The following CHD4 variants were observed in gnomAD, a reference collection of about 807,000 sequenced individuals.
CHD4 encodes ATP-dependent chromatin remodeler CHD4.
A neutral mutation model predicts 235.5 loss-of-function variants in CHD4; 35 were observed. That is an observed-to-expected ratio of 0.15 (90% confidence interval 0.11 to 0.20). The LOEUF is 0.20. Among genes scored for constraint, CHD4 ranks in the 10% least tolerant of loss-of-function variants. CHD4 has a pLI of 1.00. For synonymous variants in CHD4, 900 were observed against 850.2 expected, an observed-to-expected ratio of 1.06 and a Z score of -1.02; for missense variants, 1,329 against 2,432.3, an observed-to-expected ratio of 0.55 and a Z score of 9.54.
Position 6,593,299 on chromosome 12 carries a change from A to G in CHD4, c.2515-71T>C. 1 of 1,606,320 alleles carries G rather than the reference A, an allele frequency of 6.2e-7. No homozygotes were observed. Among genetic ancestry groups the G allele is most frequent in the Admixed American group, 1.7e-5 (1 of 59,938 alleles). On this transcript the variant is annotated intron_variant, in intron 16 of 39. Transcript: ENST00000544040. The surrounding 1 kb of genome is among the most constrained non-coding windows in gnomAD (Gnocchi z 4.9). ...TAAGCACAACCAGGAGACTGATGGA[A>G]TGTTTTCCTCCTCCCAGGGTTACCC...
intron 33 of CHD4, chr12:6,579,519 G>C (rs1423502928): frequency 6.3e-6 from 1 of 159,340 alleles, no homozygotes; most frequent in Admixed American, 6.2e-5. Flanking sequence ...AGGAGGTGGA[G>C]GTTGCAGTGA....
chr12:6,593,746 C>T lies in CHD4; in HGVS notation c.2314-130G>A. On this transcript the variant is annotated intron_variant, in intron 15 of 39. Transcript: ENST00000544040. The surrounding 1 kb of genome is among the most constrained non-coding windows in gnomAD (Gnocchi z 4.9). ...ACACCTGCGCTGCTGCTCCTGCTCTCACCTTCCTCTATACAAGTGCCCAGC... is the reference window on the plus strand; with the variant it reads ...ACACCTGCGCTGCTGCTCCTGCTCTTACCTTCCTCTATACAAGTGCCCAGC... 1.3e-6 allele frequency: 1 copy of T among 768,392 alleles called. No homozygotes were observed. Among genetic ancestry groups the T allele is most frequent in the Non-Finnish European group, 2.1e-6 (1 of 475,290 alleles). The allele number at this position is 768,392 out of a possible 1,614,324, so 47.6% of individuals were successfully genotyped here.
At position 6,599,948 on chromosome 12, in the gene CHD4, T is replaced by A. The variant is rs770181976; in HGVS notation, c.1307A>T (p.Glu436Val). 6.2e-7 allele frequency: 1 copy of A among 1,614,156 alleles called. No individual in the cohort carries two copies. Among genetic ancestry groups the A allele is most frequent in the Non-Finnish European group, 8.5e-7 (1 of 1,180,026 alleles). ...DNSEGEEILE[E>V]VGGDLEEEDD... ...CTCCTCTTCGAGGTCTCCCCCAACC[T>A]CTTCCAGGATCTCCTCACCCTCCGA... is the stretch of plus-strand genomic sequence containing the variant. The change falls in exon 10 of 40, where the codon GAG (glutamate) becomes GTG (valine). Residue 436 changes from glutamate to valine, a missense_variant. This residue lies in a region of CHD4 where 37 missense variants were observed against 49.9 expected (regional missense o/e 0.74). Transcript: ENST00000544040.
chr12:6,592,152 C>G (rs981244460), intron 19 of CHD4, 95 bp from the exon 20 acceptor site: 4 of 1,493,098 alleles, frequency 2.7e-6, no homozygotes, highest in Non-Finnish European at 3.7e-6. Context: ...TCCAACACAT[C>G]CCACTTTGGA....
rs775604173 is a variant in CHD4 at position 6,601,785 on chromosome 12, C to A, written c.439-19G>T. 6.2e-7 allele frequency: 1 copy of A among 1,606,644 alleles called. No individual in the cohort carries two copies. The highest frequency in any genetic ancestry group is 8.5e-7 in the Non-Finnish European group (1 of 1,173,396). On this transcript the variant is annotated intron_variant, in intron 4 of 39. Transcript: ENST00000544040. ...TAGGCTCCTGCAGAAAGAGCAAAGT[C>A]AAGTAAGTACCTGCCACCTAGTGCC...
intron 22 of CHD4, among the ~76,000 whole-genome samples, chr12:6,590,575 T>G (rs193148573): frequency 6.6e-6 from 1 of 152,158 alleles, no homozygotes; most frequent in Admixed American, 6.6e-5. Flanking sequence ...TCTCAATACT[T>G]TGGGAGGCCA....
chr12:6,601,996 C>T lies in CHD4; in HGVS notation c.402G>A (p.Glu134=), dbSNP rs1320680008. 1.2e-6 allele frequency: 2 copies of T among 1,610,434 alleles called. No individual in the cohort carries two copies. Among genetic ancestry groups the T allele is most frequent in the Middle Eastern group, 1.7e-4 (1 of 6,060 alleles). ...CATCATCATCCTCCTCCTCCTCCTC[C>T]TCCTTCCGCTTGGATTTGCTCTTCT... ...KEKKSKSKRK[E]EEEEEDDDDD... is the part of the protein sequence containing the mutation. Residue 134 remains glutamate (E), a synonymous_variant, in exon 4 of 40, where the codon GAG becomes GAA. Coordinates refer to ENST00000544040, the MANE Select transcript of CHD4 (RefSeq NM_001273.5).
At position 6,601,338 on chromosome 12, in the gene CHD4, A is replaced by G. The variant is rs752421605; in HGVS notation, c.750T>C (p.Pro250=). The G allele has an allele frequency of 1.9e-5, 31 of 1,613,764 alleles. 1 individual carries two copies. The South Asian group carries it at 3.1e-4, about 16-fold the overall frequency. The change falls in exon 6 of 40, where the codon CCT becomes CCC. Residue 250 remains proline (P), a synonymous_variant. Coordinates refer to ENST00000544040, the MANE Select transcript of CHD4 (RefSeq NM_001273.5). ...MVTATEVAPP[P]PPVEVPIRKA... ...TGCGGATAGGCACCTCCACAGGGGG[A>G]GGTGGTGGTGCAACCTCAGTGGCTG... is the stretch of plus-strand genomic sequence containing the variant.
At chr12:6,572,427 G>GA (rs553252360) in intron 38 of CHD4, among the ~76,000 whole-genome samples, 1,168 of 97,562 alleles carry the variant, frequency 0.012, 10 homozygotes, top group South Asian at 0.03. Flanking sequence ...CTCTATCTCA[G>GA]AAAAAAAAAA....
chr12:6,604,311 C>T (rs1038362906), intron 2 of CHD4, among the ~76,000 whole-genome samples: 3 of 152,004 alleles, frequency 2.0e-5, no homozygotes, highest in Non-Finnish European at 4.4e-5. Context: ...CCTTCAATCC[C>T]TGACATGTTC....
In CHD4 at chr12:6,590,777, T is replaced by C. The variant is rs114035083; in HGVS notation, c.3340+689A>G. Among the ~76,000 whole-genome samples the C allele has an allele frequency of 3.6e-3, 554 of 152,240 alleles. 3 individuals are homozygous for C. The highest frequency in any genetic ancestry group is 0.013 in the African/African-American group (532 of 41,548). The stretch of plus-strand genomic sequence containing the variant: ...GTGTCCAGGCTGTAGTAAGCCATGA[T>C]TGTGCCACTGCTCTCCAGCCTCGGC... On this transcript the variant is annotated intron_variant, in intron 22 of 39. Coordinates refer to ENST00000544040, the MANE Select transcript of CHD4 (RefSeq NM_001273.5).
At position 6,580,662 on chromosome 12, in the gene CHD4, G is replaced by A. The variant is rs1311204131; in HGVS notation, c.4909+382C>T. On this transcript the variant is annotated intron_variant, in intron 33 of 39. Coordinates refer to ENST00000544040, the MANE Select transcript of CHD4 (RefSeq NM_001273.5). ...GCGGAGGTTGCAGTAAGCCGAGATC[G>A]CACCATTGCACTCCAGCCTGGGCAA... The A allele has an allele frequency of 1.8e-5, 3 of 170,218 alleles. No individual in the cohort carries two copies. The Admixed American group carries it at 2.1e-4, about 12-fold the overall frequency. The allele number at this position is 170,218 out of a possible 1,614,324, so 10.5% of individuals were successfully genotyped here.
intron 11 of CHD4, 48 bp from the exon 12 acceptor site, chr12:6,598,147 C>A: frequency 6.2e-7 from 1 of 1,612,390 alleles, no homozygotes; most frequent in Non-Finnish European, 8.5e-7. Context: ...GTGTTCATTC[C>A]TTCTATCCAC....
Position 6,600,268 on chromosome 12 carries a change from C to G in CHD4, c.1191G>C (p.Leu397=). The G allele has an allele frequency of 6.2e-7, 1 of 1,614,202 alleles. No individual in the cohort carries two copies. The highest frequency in any genetic ancestry group is 8.5e-7 in the Non-Finnish European group (1 of 1,180,044). Residue 397 remains leucine (L), a synonymous_variant, in exon 9 of 40, where the codon CTG becomes CTC. Coordinates refer to ENST00000544040, the MANE Select transcript of CHD4 (RefSeq NM_001273.5). ...CGGGAGCCTTCTCCATGTCGGGATCCAGGCAGACCATGTGGTAAGCACGGG... is the reference window on the plus strand; with the variant it reads ...CGGGAGCCTTCTCCATGTCGGGATCGAGGCAGACCATGTGGTAAGCACGGG... ...TCPRAYHMVC[L]DPDMEKAPEG...
At chr12:6,603,400 G>A (rs868589452) in intron 2 of CHD4, among the ~76,000 whole-genome samples, 1 of 152,132 alleles carries the variant, frequency 6.6e-6, no homozygotes, top group Non-Finnish European at 1.5e-5. Flanking sequence ...CCCGCCCAAA[G>A]GGGGGTGGGT....
In CHD4 at chr12:6,606,337, C is replaced by A. The variant is rs751893060; in HGVS notation, c.37G>T (p.Ala13Ser). Reference sequence around the variant, plus strand: ...TCCATATCCTCCTCCTCACTGCCCGCCGAGCAGGGGGACGGGGAGCCCAGG... The same window carrying A: ...TCCATATCCTCCTCCTCACTGCCCGACGAGCAGGGGGACGGGGAGCCCAGG... ...SGLGSPSPCS[A>S]GSEEEDMDAL... The change falls in exon 2 of 40, where the codon GCG becomes TCG. Residue 13 changes from alanine to serine, a missense_variant. Ala to Ser is a moderately conservative substitution (Grantham distance 99). This residue lies in a region of CHD4 where 213 missense variants were observed against 177.5 expected (regional missense o/e 1.20). Coordinates refer to ENST00000544040, the MANE Select transcript of CHD4 (RefSeq NM_001273.5). The A allele has an allele frequency of 6.4e-7, 1 of 1,570,994 alleles. No homozygotes were observed. Among genetic ancestry groups the A allele is most frequent in the Non-Finnish European group, 8.6e-7 (1 of 1,161,240 alleles).
At chr12:6,588,516 G>C in intron 22 of CHD4, 94 bp from the exon 23 acceptor site, 1 of 1,403,086 alleles carries the variant, frequency 7.1e-7, no homozygotes, top group Non-Finnish European at 9.7e-7. Context: ...AGTGGCTCAT[G>C]CCTGTAATCT....
chr12:6,590,170 T>G (rs528890764), intron 22 of CHD4: 1 of 151,892 alleles, frequency 6.6e-6, no homozygotes, highest in African/African-American at 2.4e-5. Flanking sequence ...TGCACTCCAA[T>G]CTGGGCAACA....
chr12:6,591,360 C>CA (rs1948396789), intron 22 of CHD4, 106 bp downstream of exon 22: 5 of 850,910 alleles, frequency 5.9e-6, no homozygotes, highest in Non-Finnish European at 9.3e-6. Flanking sequence ...TCTCAAATGA[C>CA]AAAGTCCCAA....
Sources: gnomAD v4.1 joint callset for allele counts (sites outside exome capture counted in the v4.1 genomes callset) on GRCh38, gnomAD v4.1.1 for gene constraint, gnomAD v4.1.1 regional missense constraint, Gnocchi (gnomAD v3.1) non-coding constraint, MANE v1.5 for transcripts, NCBI Gene and HGNC (gene_info 2026-07-23, HGNC 2026-07-21) for gene names.